The following LINGO2 variants were observed in gnomAD, a reference collection of about 807,000 sequenced individuals.
LINGO2 encodes leucine rich repeat and Ig domain containing 2, also known as leucine-rich repeat and immunoglobulin-like domain-containing nogo receptor-interacting protein 2.
A neutral mutation model predicts 30.6 loss-of-function variants in LINGO2; 14 were observed. The ratio of observed to expected loss-of-function variants is 0.46; its 90% CI spans 0.30 to 0.72. The LOEUF is 0.72. LINGO2 is among the 30% of genes least tolerant of loss of function. LINGO2 has a pLI of 0.07. For synonymous variants in LINGO2, 317 were observed against 288.5 expected (o/e 1.10, Z -1.00); for missense variants, 729 against 751.7 (o/e 0.97, Z 0.35).
chr9:28,268,208 A>C (rs1433847247), intron 4 of LINGO2, among the ~76,000 whole-genome samples: 1 of 152,074 alleles, frequency 6.6e-6, no homozygotes, highest in Admixed American at 6.6e-5. Flanking sequence ...CCATTCCTCT[A>C]ATGCGCTGAT....
At chr9:28,252,186 A>G (rs941257813) in intron 4 of LINGO2, among the ~76,000 whole-genome samples, 5 of 152,186 alleles carry the variant, frequency 3.3e-5, no homozygotes, top group African/African-American at 7.2e-5. Context: ...TACAAAGATC[A>G]TTACATAAAT....
chr9:28,844,895 C>G, the LINGO2 span, among the ~76,000 whole-genome samples: 7 of 151,914 alleles, frequency 4.6e-5, 1 homozygote, highest in African/African-American at 1.7e-4. Context: ...GAGTTTGTGA[C>G]AGAGGGACTA....
chr9:28,755,520 T>A, the LINGO2 span, among the ~76,000 whole-genome samples: 2 of 152,122 alleles, frequency 1.3e-5, no homozygotes, highest in African/African-American at 4.8e-5. Flanking sequence ...CAATTATGTT[T>A]GTATAAGTTG....
chr9:28,459,186 C>G (rs1258507707), intron 2 of LINGO2, among the ~76,000 whole-genome samples: 1 of 151,336 alleles, frequency 6.6e-6, no homozygotes, highest in East Asian at 1.9e-4. Flanking sequence ...AAAAGGCAAT[C>G]AAAATATATT....
At chr9:28,878,503 C>T in the LINGO2 span, among the ~76,000 whole-genome samples, 1 of 152,120 alleles carries the variant, frequency 6.6e-6, no homozygotes, top group African/African-American at 2.4e-5. Flanking sequence ...CCAGCATCAT[C>T]CTGATACCAA....
At chr9:28,841,784 G>A in the LINGO2 span, among the ~76,000 whole-genome samples, 3 of 151,676 alleles carry the variant, frequency 2.0e-5, no homozygotes, top group African/African-American at 7.3e-5. Flanking sequence ...CAAAAATGAA[G>A]CTAAAGAATA....
At chr9:28,016,698 A>G (rs74345734) in intron 4 of LINGO2, among the ~76,000 whole-genome samples, 1 of 151,314 alleles carries the variant, frequency 6.6e-6, no homozygotes, top group African/African-American at 2.4e-5. Flanking sequence ...AAAAAAAAAA[A>G]AAGCCTACCA....
chr9:28,280,713 C>G (rs999731945), intron 4 of LINGO2, among the ~76,000 whole-genome samples: 2 of 152,076 alleles, frequency 1.3e-5, no homozygotes, highest in African/African-American at 4.8e-5. Flanking sequence ...AGTAAGTACT[C>G]ATGGTACTGT....
intron 4 of LINGO2, among the ~76,000 whole-genome samples, chr9:28,269,320 G>T (rs1822860441): frequency 6.6e-6 from 1 of 151,996 alleles, no homozygotes; most frequent in Non-Finnish European, 1.5e-5. Context: ...CAATAAATAT[G>T]ATTTCAGTGA....
At chr9:29,190,704 A>C in the LINGO2 span, among the ~76,000 whole-genome samples, 2 of 152,202 alleles carry the variant, frequency 1.3e-5, no homozygotes, top group African/African-American at 4.8e-5. Context: ...TAACCTTAAA[A>C]GTTGTTTATT....
chr9:28,291,478 A>T (rs956700118), intron 4 of LINGO2, among the ~76,000 whole-genome samples: 1 of 152,158 alleles, frequency 6.6e-6, no homozygotes, highest in African/African-American at 2.4e-5. Flanking sequence ...AAATGGATAA[A>T]ATGCTCTGCC....
intron 2 of LINGO2, among the ~76,000 whole-genome samples, chr9:28,373,121 A>G (rs1280855159): frequency 1.3e-5 from 2 of 152,180 alleles, no homozygotes; most frequent in Non-Finnish European, 2.9e-5. Context: ...GAGTATAGAA[A>G]TTATGAATGA....
intron 4 of LINGO2, among the ~76,000 whole-genome samples, chr9:28,157,218 G>A (rs1360531811): frequency 6.6e-5 from 10 of 152,168 alleles, no homozygotes; most frequent in African/African-American, 2.4e-4. Flanking sequence ...CTGAAAACTA[G>A]GCAGAGGTTC....
the LINGO2 span, among the ~76,000 whole-genome samples, chr9:28,945,821 C>G: frequency 6.6e-6 from 1 of 152,162 alleles, no homozygotes; most frequent in African/African-American, 2.4e-5. Flanking sequence ...ATGAACAAAC[C>G]TAAGGTAAAG....
At chr9:29,071,437 G>C in the LINGO2 span, among the ~76,000 whole-genome samples, 3 of 146,400 alleles carry the variant, frequency 2.0e-5, no homozygotes, top group South Asian at 4.3e-4. Flanking sequence ...TCTATGCTTA[G>C]AGATAATTTA....
chr9:28,048,734 TAATA>T (rs1183009266), intron 4 of LINGO2, among the ~76,000 whole-genome samples: 2 of 150,810 alleles, frequency 1.3e-5, no homozygotes, highest in Non-Finnish European at 2.9e-5. Context: ...GGAAAAGATT[TAATA>T]AATTCAACCT....
At chr9:28,866,217 A>C in the LINGO2 span, among the ~76,000 whole-genome samples, 5 of 152,178 alleles carry the variant, frequency 3.3e-5, no homozygotes, top group Admixed American at 3.3e-4. Flanking sequence ...ATTAGAAAAC[A>C]CCATTTTTTC....
intron 1 of LINGO2, among the ~76,000 whole-genome samples, chr9:28,660,950 C>T (rs1044463897): frequency 6.6e-6 from 1 of 152,058 alleles, no homozygotes; most frequent in African/African-American, 2.4e-5. Context: ...AAAAACTAAA[C>T]CTGGGGCAAA....
chr9:28,147,671 A>G lies in LINGO2; in HGVS notation c.-86-135266T>C, dbSNP rs899766276. On this transcript the variant is annotated intron_variant, in intron 4 of 5. Coordinates refer to ENST00000379992, the Ensembl canonical transcript of LINGO2. This position sits in a 1 kb window ranked among gnomAD's most constrained non-coding sequence, Gnocchi z 4.7. ...CCAGGTGGAAGGGCTCTGGCGGATC[A>G]GCCCCGCACCCCCAACAGCCCCACG... Among the ~76,000 whole-genome samples the G allele has an allele frequency of 2.0e-5, 3 of 152,146 alleles. No individual in the cohort carries two copies. The highest frequency in any genetic ancestry group is 2.0e-4 in the Admixed American group (3 of 15,290).
Sources: allele counts gnomAD v4.1 joint callset (sites outside exome capture counted in the v4.1 genomes callset), GRCh38; gene constraint gnomAD v4.1.1; non-coding constraint Gnocchi (gnomAD v3.1); transcripts MANE v1.5; gene names NCBI Gene and HGNC (gene_info 2026-07-23, HGNC 2026-07-21).